The following TENM4 variants were observed in gnomAD, a reference collection of about 807,000 sequenced individuals.
The protein encoded by TENM4 is teneurin transmembrane protein 4.
Under a neutral mutation model 243.3 loss-of-function variants are expected in TENM4, and 82 were observed. The ratio of observed to expected loss-of-function variants is 0.34; its 90% CI spans 0.28 to 0.40. The LOEUF (loss-of-function observed/expected upper bound fraction) is 0.40. TENM4 is among the 10% of genes least tolerant of loss of function. The probability of loss-of-function intolerance (pLI) is 1.00; values close to 1 mark genes in which losing one functional copy is unlikely to be tolerated. For synonymous variants in TENM4, 1,412 were observed against 1,456.3 expected (o/e 0.97, Z 0.69); for missense variants, 3,138 against 3,673.3 (o/e 0.85, Z 3.77).
At chr11:78,911,113 AGCCTCATTGTATGAT>A (rs781457871) in intron 6 of TENM4, among the ~76,000 whole-genome samples, 1 of 152,244 alleles carries the variant, frequency 6.6e-6, no homozygotes, top group Non-Finnish European at 1.5e-5. Flanking sequence ...TGTATGAAAA[AGCCTCATTGTATGAT>A]GCAGTGGTTT....
At chr11:79,240,199 G>A (rs1864563665) in intron 2 of TENM4, among the ~76,000 whole-genome samples, 2 of 152,102 alleles carry the variant, frequency 1.3e-5, no homozygotes, top group Admixed American at 6.6e-5. Flanking sequence ...GTCATTATGA[G>A]GACTGAATGA....
At chr11:79,192,738 T>A (rs1258520151) in intron 3 of TENM4, among the ~76,000 whole-genome samples, 6 of 148,854 alleles carry the variant, frequency 4.0e-5, no homozygotes, top group African/African-American at 1.3e-4. Flanking sequence ...CACCCAAGAA[T>A]GATCAATAAA....
At chr11:79,389,455 C>G (rs900300020) in intron 1 of TENM4, among the ~76,000 whole-genome samples, 2 of 152,218 alleles carry the variant, frequency 1.3e-5, no homozygotes, top group African/African-American at 2.4e-5. Context: ...CTGTGCCCAG[C>G]ACAGAGATAA....
intron 28 of TENM4, among the ~76,000 whole-genome samples, chr11:78,696,586 TA>T (rs1858969820): frequency 6.6e-6 from 1 of 152,216 alleles, no homozygotes; most frequent in African/African-American, 2.4e-5. Flanking sequence ...TGTTTATGGT[TA>T]GCCTCTAGGT....
At chr11:79,182,128 A>T (rs1005146173) in intron 3 of TENM4, among the ~76,000 whole-genome samples, 4 of 152,190 alleles carry the variant, frequency 2.6e-5, no homozygotes, top group South Asian at 4.1e-4. Context: ...AAGATCCATA[A>T]TAGCCAACTC....
Position 78,967,565 on chromosome 11 carries a change from A to G in TENM4, c.494-64042T>C, listed in dbSNP as rs886543784. On this transcript the variant is annotated intron_variant, in intron 6 of 33. Coordinates refer to ENST00000278550, the MANE Select transcript of TENM4 (RefSeq NM_001098816.3). ...CCTAGATCTCCTTTCTAATTGGCTCAGCTCGGGCAGGATGGTGAAAATCCA... is the reference window on the plus strand; with the variant it reads ...CCTAGATCTCCTTTCTAATTGGCTCGGCTCGGGCAGGATGGTGAAAATCCA... 1.5e-4 allele frequency among the ~76,000 whole-genome samples: 23 copies of G among 152,210 alleles called. 1 individual carries two copies. Among genetic ancestry groups the G allele is most frequent in the Non-Finnish European group, 2.9e-5 (2 of 68,042 alleles).
intron 1 of TENM4, among the ~76,000 whole-genome samples, chr11:79,392,646 T>C (rs1858260280): frequency 6.6e-6 from 1 of 152,196 alleles, no homozygotes; most frequent in African/African-American, 2.4e-5. Context: ...ACAGCAGGGA[T>C]AAATAGGTCC....
intron 19 of TENM4, among the ~76,000 whole-genome samples, chr11:78,750,664 A>G (rs2135938426): frequency 6.6e-6 from 1 of 152,304 alleles, no homozygotes; most frequent in Middle Eastern, 3.4e-3. Flanking sequence ...GGCACTCAGC[A>G]GGGACTGGCT....
At chr11:79,243,734 A>G (rs1441241905) in intron 2 of TENM4, among the ~76,000 whole-genome samples, 1 of 152,144 alleles carries the variant, frequency 6.6e-6, no homozygotes, top group Non-Finnish European at 1.5e-5. Context: ...AAACCAGGAG[A>G]GCAAATATTT....
At chr11:78,937,296 C>T (rs1054591387) in intron 6 of TENM4, among the ~76,000 whole-genome samples, 1 of 152,158 alleles carries the variant, frequency 6.6e-6, no homozygotes, top group African/African-American at 2.4e-5. Flanking sequence ...GCTACAAATA[C>T]CTCTCCATTT....
intron 6 of TENM4, among the ~76,000 whole-genome samples, chr11:78,916,707 G>T (rs1286754650): frequency 6.6e-6 from 1 of 151,988 alleles, no homozygotes; most frequent in Admixed American, 6.6e-5. Flanking sequence ...TCTCCATTTT[G>T]CAGATGAGAA....
At chr11:78,855,614 C>A (rs991876433) in intron 11 of TENM4, among the ~76,000 whole-genome samples, 1 of 152,122 alleles carries the variant, frequency 6.6e-6, no homozygotes, top group Non-Finnish European at 1.5e-5. Context: ...GTGATGGAGC[C>A]AAGGTTACAA....
At chr11:78,861,199 A>G (rs1858810699) in intron 10 of TENM4, among the ~76,000 whole-genome samples, 1 of 152,264 alleles carries the variant, frequency 6.6e-6, no homozygotes. Flanking sequence ...AGGCAGGACC[A>G]TGGACAGGGC....
At chr11:78,789,827 T>G (rs1857017488) in intron 15 of TENM4, among the ~76,000 whole-genome samples, 1 of 152,194 alleles carries the variant, frequency 6.6e-6, no homozygotes, top group African/African-American at 2.4e-5. Flanking sequence ...ACTTCATTCC[T>G]TTATTAAGTC....
intron 1 of TENM4, among the ~76,000 whole-genome samples, chr11:79,413,041 T>C (rs1290201804): frequency 6.6e-6 from 1 of 152,228 alleles, no homozygotes; most frequent in Non-Finnish European, 1.5e-5. Flanking sequence ...GTCCTAATGA[T>C]GTGGTAATAA....
At chr11:79,372,838 T>C (rs879364257) in intron 1 of TENM4, among the ~76,000 whole-genome samples, 1 of 152,132 alleles carries the variant, frequency 6.6e-6, no homozygotes, top group Non-Finnish European at 1.5e-5. Context: ...ATAAGGGAGA[T>C]GGATGGCAAG....
chr11:78,953,426 T>C (rs1003181059), intron 6 of TENM4, among the ~76,000 whole-genome samples: 3 of 152,102 alleles, frequency 2.0e-5, no homozygotes, highest in South Asian at 2.1e-4. Flanking sequence ...CCAAAAACTT[T>C]TGGGGTCCAG....
At chr11:79,066,132 T>G (rs1373649993) in intron 5 of TENM4, among the ~76,000 whole-genome samples, 2 of 151,956 alleles carry the variant, frequency 1.3e-5, no homozygotes, top group Non-Finnish European at 2.9e-5. Flanking sequence ...CTCTGGCGGG[T>G]AGGAGAGACA....
intron 1 of TENM4, among the ~76,000 whole-genome samples, chr11:79,336,372 C>A (rs969762159): frequency 6.6e-6 from 1 of 152,190 alleles, no homozygotes; most frequent in Admixed American, 6.5e-5. Flanking sequence ...CGCATACTTA[C>A]TTCCCTAGGT....
Sources: allele counts gnomAD v4.1 joint callset (sites outside exome capture counted in the v4.1 genomes callset), GRCh38; gene constraint gnomAD v4.1.1; transcripts MANE v1.5; gene names NCBI Gene and HGNC (gene_info 2026-07-23, HGNC 2026-07-21).